The following SEPTIN11 variants were observed in gnomAD, a reference collection of about 807,000 sequenced individuals.
The protein encoded by SEPTIN11 is septin-11.
In SEPTIN11, 25 loss-of-function variants were observed where a neutral mutation model predicts 51.4. The observed-to-expected ratio is 0.49, with a 90% CI of 0.35 to 0.68. SEPTIN11 has a LOEUF of 0.68. Ranked by LOEUF, SEPTIN11 falls within the 30% of genes least tolerant of loss-of-function variation. SEPTIN11 has a pLI of 0.00. For missense variants in SEPTIN11, 381 were observed against 520.8 expected, an observed-to-expected ratio of 0.73 and a Z score of 2.61; for synonymous variants, 174 against 184.1, an observed-to-expected ratio of 0.95 and a Z score of 0.44.
At chr4:76,980,339 C>T (rs1336806054) in intron 1 of SEPTIN11, among the ~76,000 whole-genome samples, 2 of 152,170 alleles carry the variant, frequency 1.3e-5, no homozygotes, top group Admixed American at 1.3e-4. Flanking sequence ...GTGATTGTTT[C>T]TTGGGTGTTC....
At chr4:76,983,067 A>T (rs1228174014) in intron 1 of SEPTIN11, among the ~76,000 whole-genome samples, 1 of 152,146 alleles carries the variant, frequency 6.6e-6, no homozygotes, top group African/African-American at 2.4e-5. Context: ...GAATCCGAAA[A>T]TGGCCCCAAG....
At position 76,950,746 on chromosome 4, in the gene SEPTIN11, C is replaced by G. The variant is rs187412301; in HGVS notation, c.27+816C>G. On this transcript the variant is annotated intron_variant, in intron 1 of 9. Transcript: ENST00000264893. ...CTGGGTTGCAAGACTCGGTCCGCGC[C>G]CCGGGGCCGGGCCGGAGGGGAGCGG... Among the ~76,000 whole-genome samples, 1,255 of 152,232 alleles carry G rather than the reference C, an allele frequency of 8.2e-3. 18 individuals carry two copies. Among genetic ancestry groups the G allele is most frequent in the African/African-American group, 0.029 (1,194 of 41,528 alleles).
intron 2 of SEPTIN11, among the ~76,000 whole-genome samples, chr4:77,002,389 TTGA>T (rs148005994): frequency 0.033 from 5,089 of 152,304 alleles, 121 homozygotes; most frequent in Non-Finnish European, 0.049. Flanking sequence ...TGCCATGTAA[TTGA>T]AGTCTTTATT....
Position 77,020,615 on chromosome 4 carries a change from T to C in SEPTIN11, c.898T>C (p.Cys300Arg). 6.2e-7 allele frequency: 1 copy of C among 1,614,106 alleles called. No homozygotes were observed. Among genetic ancestry groups the C allele is most frequent in the Non-Finnish European group, 8.5e-7 (1 of 1,180,016 alleles). The change falls in exon 7 of 10, where the codon TGT (cysteine) becomes CGT (arginine). Residue 300 changes from cysteine (C) to arginine (R), a missense_variant. Physicochemically the swap from Cys to Arg is radical, Grantham distance 180. This residue lies in a region of SEPTIN11 where 197 missense variants were observed against 313.1 expected (regional missense o/e 0.63). Coordinates refer to ENST00000264893, the MANE Select transcript of SEPTIN11 (RefSeq NM_018243.4). ...CCGCCACTATGAATTGTACCGACGC[T>C]GTAAGCTTGAAGAGATGGGGTTCAA... The part of the protein sequence containing the change: ...HTRHYELYRR[C>R]KLEEMGFKDT...
chr4:77,010,604 T>C (rs1387835293), intron 3 of SEPTIN11, among the ~76,000 whole-genome samples: 1 of 152,190 alleles, frequency 6.6e-6, no homozygotes, highest in Non-Finnish European at 1.5e-5. Flanking sequence ...TTATTGTTTA[T>C]TTTGGGGATG....
chr4:76,961,039 T>C (rs1016120437), intron 1 of SEPTIN11, among the ~76,000 whole-genome samples: 23 of 152,168 alleles, frequency 1.5e-4, no homozygotes, highest in African/African-American at 5.5e-4. Context: ...GCCTACAAAG[T>C]AGCTGGGGAG....
At chr4:76,959,075 C>T (rs1249077741) in intron 1 of SEPTIN11, 2 of 678,872 alleles carry the variant, frequency 2.9e-6, no homozygotes, top group Non-Finnish European at 5.6e-6. Flanking sequence ...TTTGCAAGGC[C>T]CACACCATGT....
At chr4:76,987,812 A>G (rs988012412) in intron 1 of SEPTIN11, 7 of 979,282 alleles carry the variant, frequency 7.1e-6, no homozygotes, top group African/African-American at 1.8e-5. Flanking sequence ...TCTTCAGCTC[A>G]GAGGCGTCTG....
chr4:77,015,598 T>G (rs1169429085), intron 5 of SEPTIN11, among the ~76,000 whole-genome samples: 2 of 152,216 alleles, frequency 1.3e-5, no homozygotes, highest in Admixed American at 6.5e-5. Flanking sequence ...TCTGTTTCAC[T>G]ACTCTTTTGT....
intron 1 of SEPTIN11, among the ~76,000 whole-genome samples, chr4:76,951,979 A>G (rs1407043327): frequency 1.3e-5 from 2 of 152,260 alleles, no homozygotes; most frequent in Non-Finnish European, 2.9e-5. Context: ...ATTAAATTAC[A>G]ATCTAAAGAC....
chr4:77,027,898 G>A (rs1036905569), intron 7 of SEPTIN11, among the ~76,000 whole-genome samples: 6 of 152,176 alleles, frequency 3.9e-5, no homozygotes, highest in African/African-American at 1.4e-4. Flanking sequence ...AGACAGTCAG[G>A]AGGAGGATAG....
chr4:77,020,849 C>T (rs1402242988), intron 7 of SEPTIN11, 179 bp downstream of exon 7: 2 of 602,736 alleles, frequency 3.3e-6, no homozygotes, highest in African/African-American at 3.7e-5. Flanking sequence ...TCTCAACTAA[C>T]TTACCTAGTT....
intron 9 of SEPTIN11, chr4:77,031,390 T>A (rs1726621570): frequency 6.5e-6 from 1 of 153,440 alleles, no homozygotes; most frequent in Non-Finnish European, 1.4e-5. Context: ...TCACTGAAAT[T>A]CTCGTTCCCA....
chr4:76,995,777 C>G (rs1383452812), intron 1 of SEPTIN11: 11 of 1,511,968 alleles, frequency 7.3e-6, no homozygotes, highest in Non-Finnish European at 9.7e-6. Flanking sequence ...CTACCTTACC[C>G]TAGTCTACAT....
At chr4:76,994,676 A>T (rs1723565963) in intron 1 of SEPTIN11, among the ~76,000 whole-genome samples, 1 of 152,206 alleles carries the variant, frequency 6.6e-6, no homozygotes. Context: ...TTTAGAGCTG[A>T]TATGGACTTT....
intron 1 of SEPTIN11, 59 bp downstream of exon 1, chr4:76,949,989 C>T: frequency 1.4e-6 from 2 of 1,383,708 alleles, no homozygotes; most frequent in Non-Finnish European, 9.3e-7. Context: ...TGCTCTGGGG[C>T]GGGTGCGGTG....
chr4:76,955,388 A>G (rs1341722313), intron 1 of SEPTIN11, among the ~76,000 whole-genome samples: 2 of 152,182 alleles, frequency 1.3e-5, no homozygotes, highest in South Asian at 2.1e-4. Context: ...AGCCCAGGAA[A>G]CAGCATGTGC....
At chr4:76,998,792 C>T (rs542681569) in intron 2 of SEPTIN11, among the ~76,000 whole-genome samples, 77 of 152,116 alleles carry the variant, frequency 5.1e-4, no homozygotes, top group Non-Finnish European at 8.5e-4. Context: ...CATCACCAGC[C>T]GAGCAACCTC....
chr4:77,040,015 TGG>T (rs916286302), downstream of SEPTIN11: 2 of 152,748 alleles, frequency 1.3e-5, no homozygotes, highest in Non-Finnish European at 2.9e-5. Context: ...TTCCTTGTTT[TGG>T]AAACAACCAA....
Sources: allele counts gnomAD v4.1 joint callset (sites outside exome capture counted in the v4.1 genomes callset), GRCh38; gene constraint gnomAD v4.1.1; regional missense constraint gnomAD v4.1.1; transcripts MANE v1.5; gene names NCBI Gene and HGNC (gene_info 2026-07-23, HGNC 2026-07-21).